DHX30: variants seen among roughly 807,000 people sequenced by gnomAD.
DHX30 encodes the protein ATP-dependent RNA helicase DHX30.
Under a neutral mutation model 116.9 loss-of-function variants are expected in DHX30, and 4 were observed. The observed-to-expected ratio is 0.03, with a 90% CI of 0.02 to 0.08. The LOEUF is 0.08. Ranked by LOEUF, DHX30 falls within the 10% of genes least tolerant of loss-of-function variation. The pLI is 1.00. For missense variants in DHX30, 871 were observed against 1,595.1 expected (o/e 0.55, Z 7.73); for synonymous variants, 697 against 651.7 (o/e 1.07, Z -1.06).
chr3:47,838,257 C>T (rs192215848), intron 6 of DHX30, among the ~76,000 whole-genome samples: 32 of 152,310 alleles, frequency 2.1e-4, no homozygotes, highest in Non-Finnish European at 3.8e-4. Flanking sequence ...CGCGTCTATT[C>T]TTAATAGACA....
At chr3:47,820,175 G>T (rs1485337655) in intron 4 of DHX30, among the ~76,000 whole-genome samples, 2 of 152,174 alleles carry the variant, frequency 1.3e-5, no homozygotes, top group Admixed American at 1.3e-4. Flanking sequence ...TTAGCTGGGT[G>T]TGGTGGTGCA....
chr3:47,847,358 T>TC lies in DHX30; in HGVS notation c.2005+14dup, dbSNP rs747056630. 1 of 1,614,178 alleles carries TC rather than the reference T, an allele frequency of 6.2e-7. No homozygotes were observed. The highest frequency in any genetic ancestry group is 1.6e-4 in the Middle Eastern group (1 of 6,062). ...GCTCGCGGGGAACCAGGTGGGTGCCTCCCCATCTGTCCCATGCTAGCCCTG... is the reference window on the plus strand; with the variant it reads ...GCTCGCGGGGAACCAGGTGGGTGCCTCCCCCATCTGTCCCATGCTAGCCCTG... On this transcript the variant is annotated intron_variant, in intron 12 of 21. Coordinates refer to ENST00000445061, the MANE Select transcript of DHX30 (RefSeq NM_138615.3). This position sits in a 1 kb window ranked among gnomAD's most constrained non-coding sequence, Gnocchi z 5.5.
intron 4 of DHX30, among the ~76,000 whole-genome samples, chr3:47,826,587 A>T (rs963108663): frequency 1.3e-5 from 2 of 152,034 alleles, no homozygotes; most frequent in Non-Finnish European, 2.9e-5. Flanking sequence ...CTGGGACTAC[A>T]GGCGCCTGCC....
rs2037714454 is a variant in DHX30, at chr3:47,848,419, G to GT, written c.2493+33_2493+34insT. The GT allele has an allele frequency of 6.2e-7, 1 of 1,613,954 alleles. No homozygotes were observed. The highest frequency in any genetic ancestry group is 1.3e-5 in the African/African-American group (1 of 75,048). Reference sequence around the variant, plus strand: ...GGGGCGGGGCAGGGGCTGGCCTGGGGACCAGGCAGGTGGGAGGCAGGCTCA... The same window carrying GT: ...GGGGCGGGGCAGGGGCTGGCCTGGGGTACCAGGCAGGTGGGAGGCAGGCTCA... On this transcript the variant is annotated intron_variant, in intron 15 of 21. Transcript: ENST00000445061. This position sits in a 1 kb window ranked among gnomAD's most constrained non-coding sequence, Gnocchi z 9.4.
At chr3:47,837,079 A>G (rs897033685) in intron 6 of DHX30, among the ~76,000 whole-genome samples, 18 of 152,298 alleles carry the variant, frequency 1.2e-4, no homozygotes, top group African/African-American at 4.3e-4. Context: ...ACATAAATGC[A>G]CCCCAGCCTC....
At chr3:47,804,487 C>T (rs1007199163) in intron 1 of DHX30, among the ~76,000 whole-genome samples, 2 of 152,056 alleles carry the variant, frequency 1.3e-5, no homozygotes, top group Admixed American at 1.3e-4. Context: ...CCCAGGAGGC[C>T]GAGGTTGCAG....
At chr3:47,837,267 C>T (rs2037165481) in intron 6 of DHX30, among the ~76,000 whole-genome samples, 1 of 152,166 alleles carries the variant, frequency 6.6e-6, no homozygotes, top group Non-Finnish European at 1.5e-5. Context: ...CAGGGAGGAG[C>T]TAGAACTCCA....
In DHX30 at chr3:47,846,428, G is replaced by A. The variant is rs753394993; in HGVS notation, c.1356G>A (p.Val452=). Residue 452 remains valine (V), a synonymous_variant, in exon 11 of 22, where the codon GTG becomes GTA. Transcript: ENST00000445061. The part of the protein sequence containing the change: ...TILNAIEQHP[V]VVISGDTGCG... ...TCAACGCCATTGAGCAGCACCCGGT[G>A]GTGGTCATCTCTGGGGACACGGGCT... 8.1e-6 allele frequency: 13 copies of A among 1,614,164 alleles called. No homozygotes were observed. The highest frequency in any genetic ancestry group is 1.3e-5 in the African/African-American group (1 of 75,082).
intron 3 of DHX30, among the ~76,000 whole-genome samples, chr3:47,815,241 T>C (rs1475122552): frequency 6.6e-6 from 1 of 152,162 alleles, no homozygotes; most frequent in East Asian, 1.9e-4. Context: ...GTGAAGATAT[T>C]AGAGCTGAAA....
At position 47,847,112 on chromosome 3, in the gene DHX30, G is replaced by C. The variant is rs1331484040; in HGVS notation, c.1929+111G>C. On this transcript the variant is annotated intron_variant, in intron 11 of 21. Transcript: ENST00000445061. The surrounding 1 kb of genome is among the most constrained non-coding windows in gnomAD (Gnocchi z 5.5). ...GGGCAAGTTACCCTCCCCAGTCCTC[G>C]GTTTCCTTGATAGAAACTGGGGACT... is the stretch of plus-strand genomic sequence containing the variant. The C allele has an allele frequency of 6.7e-7, 1 of 1,489,362 alleles. No individual in the cohort carries two copies. Among genetic ancestry groups the C allele is most frequent in the South Asian group, 1.2e-5 (1 of 80,218 alleles). 92.3% of individuals were successfully genotyped at this position (1,489,362 alleles called of 1,614,324 possible).
intron 1 of DHX30, among the ~76,000 whole-genome samples, chr3:47,804,724 A>G (rs913759879): frequency 5.9e-5 from 9 of 152,196 alleles, no homozygotes; most frequent in African/African-American, 2.2e-4. Flanking sequence ...TAGTATAAGC[A>G]TGGAGGGTTT....
Position 47,848,026 on chromosome 3 carries a change from A to G in DHX30, c.2286+70A>G. On this transcript the variant is annotated intron_variant, in intron 14 of 21. Coordinates refer to ENST00000445061, the MANE Select transcript of DHX30 (RefSeq NM_138615.3). This position sits in a 1 kb window ranked among gnomAD's most constrained non-coding sequence, Gnocchi z 9.4. ...TCCGTTTTGAGGTGGTCCCCAGCCC[A>G]GATCTACCTTAGACCTGCTTTGTGT... is the stretch of plus-strand genomic sequence containing the variant. 1.3e-6 allele frequency: 2 copies of G among 1,598,494 alleles called. No homozygotes were observed. Among genetic ancestry groups the G allele is most frequent in the African/African-American group, 1.3e-5 (1 of 74,828 alleles).
intron 2 of DHX30, among the ~76,000 whole-genome samples, chr3:47,808,311 G>A (rs1382952427): frequency 6.6e-6 from 1 of 151,684 alleles, no homozygotes. Context: ...TCAAAATCCT[G>A]GGCGAAGTGA....
chr3:47,805,951 G>A (rs1016758156), intron 2 of DHX30, among the ~76,000 whole-genome samples: 3 of 152,054 alleles, frequency 2.0e-5, no homozygotes, highest in Non-Finnish European at 4.4e-5. Flanking sequence ...TGATATAATA[G>A]CATTTTACTT....
intron 4 of DHX30, among the ~76,000 whole-genome samples, chr3:47,824,584 G>C (rs1283696459): frequency 1.3e-5 from 2 of 152,184 alleles, no homozygotes; most frequent in African/African-American, 2.4e-5. Flanking sequence ...GAGCCACGGC[G>C]CCTGGCCCTG....
At chr3:47,825,146 C>A in intron 4 of DHX30, 1 of 673,940 alleles carries the variant, frequency 1.5e-6, no homozygotes, top group Non-Finnish European at 2.7e-6. Flanking sequence ...CGCGGCTTCT[C>A]TTCAAGCTGC....
chr3:47,829,224 TACC>T, intron 6 of DHX30, 90 bp downstream of exon 6: 2 of 584,302 alleles, frequency 3.4e-6, no homozygotes. Context: ...CCCAGTGTTC[TACC>T]ACTCACCTGC....
intron 3 of DHX30, among the ~76,000 whole-genome samples, chr3:47,812,508 A>G (rs2035846253): frequency 6.6e-6 from 1 of 150,944 alleles, no homozygotes; most frequent in Non-Finnish European, 1.5e-5. Context: ...TAGTGAGTCA[A>G]GATTGTGCCA....
chr3:47,808,873 A>T (rs1354482646), intron 2 of DHX30, among the ~76,000 whole-genome samples: 1 of 148,180 alleles, frequency 6.7e-6, no homozygotes, highest in Non-Finnish European at 1.5e-5. Flanking sequence ...CACTGCAACC[A>T]GCCGAGTTTT....
Sources: gnomAD v4.1 joint callset for allele counts (sites outside exome capture counted in the v4.1 genomes callset) on GRCh38, gnomAD v4.1.1 for gene constraint, Gnocchi (gnomAD v3.1) non-coding constraint, MANE v1.5 for transcripts, NCBI Gene and HGNC (gene_info 2026-07-23, HGNC 2026-07-21) for gene names.